Variants in PTPN2 observed in about 807,000 individuals in gnomAD.
The protein encoded by PTPN2 is protein tyrosine phosphatase non-receptor type 2.
Under a neutral mutation model 57.3 loss-of-function variants are expected in PTPN2, and 19 were observed. The ratio of observed to expected loss-of-function variants is 0.33; its 90% CI spans 0.23 to 0.49. The LOEUF is 0.49. PTPN2 is among the 20% of genes least tolerant of loss of function. The pLI is 0.99. For synonymous variants in PTPN2, 153 were observed against 164.9 expected (o/e 0.93, Z 0.55); for missense variants, 358 against 501.1 (o/e 0.71, Z 2.73).
intron 2 of PTPN2, among the ~76,000 whole-genome samples, chr18:12,853,391 T>C (rs1328095084): frequency 6.6e-6 from 1 of 152,214 alleles, no homozygotes; most frequent in African/African-American, 2.4e-5. Flanking sequence ...TCCTCCTACC[T>C]CAGCTTTCCA....
At chr18:12,824,012 T>C (rs1456709504) in intron 5 of PTPN2, among the ~76,000 whole-genome samples, 2 of 152,166 alleles carry the variant, frequency 1.3e-5, no homozygotes, top group East Asian at 1.9e-4. Flanking sequence ...CATAAGCAAA[T>C]GAGTAATTAC....
intron 1 of PTPN2, among the ~76,000 whole-genome samples, chr18:12,870,435 A>ACG (rs2044203860): frequency 5.6e-5 from 2 of 35,948 alleles, no homozygotes; most frequent in Non-Finnish European, 8.3e-5. Flanking sequence ...ACGTATATAT[A>ACG]TATGTGTATA....
chr18:12,864,051 A>C (rs756045146), intron 1 of PTPN2: 7 of 152,244 alleles, frequency 4.6e-5, no homozygotes, highest in Non-Finnish European at 1.0e-4. Flanking sequence ...AGTGAATATC[A>C]TGCAGCTCTT....
intron 1 of PTPN2, among the ~76,000 whole-genome samples, chr18:12,879,928 T>G (rs1172130965): frequency 6.6e-6 from 1 of 152,242 alleles, no homozygotes; most frequent in Admixed American, 6.5e-5. Flanking sequence ...GAAAGCCACC[T>G]TAAACACTTT....
chr18:12,844,948 T>C (rs2043165822), intron 2 of PTPN2, among the ~76,000 whole-genome samples: 1 of 152,186 alleles, frequency 6.6e-6, no homozygotes, highest in Non-Finnish European at 1.5e-5. Flanking sequence ...CTTTGCACCT[T>C]TGTCAAAAAA....
intron 1 of PTPN2, among the ~76,000 whole-genome samples, chr18:12,877,669 A>C (rs2044533541): frequency 6.6e-6 from 1 of 152,232 alleles, no homozygotes; most frequent in Admixed American, 6.5e-5. Context: ...CTGACTCACA[A>C]ATGGTAAAAA....
At chr18:12,879,773 T>C (rs2044607988) in intron 1 of PTPN2, among the ~76,000 whole-genome samples, 1 of 152,248 alleles carries the variant, frequency 6.6e-6, no homozygotes. Context: ...CTCCTACCAC[T>C]AAGCAAGTCC....
At chr18:12,845,703 A>C (rs1157226710) in intron 2 of PTPN2, among the ~76,000 whole-genome samples, 4 of 152,192 alleles carry the variant, frequency 2.6e-5, no homozygotes. Flanking sequence ...GCTAGGATTC[A>C]GTACCTCAAG....
chr18:12,834,439 T>C (rs1167252242), intron 3 of PTPN2, among the ~76,000 whole-genome samples: 1 of 152,208 alleles, frequency 6.6e-6, no homozygotes, highest in Non-Finnish European at 1.5e-5. Context: ...GTTTAAATTA[T>C]ACAAAGCATG....
intron 2 of PTPN2, among the ~76,000 whole-genome samples, chr18:12,838,405 C>CA (rs1298566265): frequency 6.6e-6 from 1 of 152,242 alleles, no homozygotes; most frequent in Non-Finnish European, 1.5e-5. Flanking sequence ...GAAAGACCTT[C>CA]AGCCAGAGTA....
intron 5 of PTPN2, chr18:12,819,266 C>A (rs1217040598): frequency 2.1e-6 from 3 of 1,450,966 alleles, no homozygotes; most frequent in Non-Finnish European, 2.8e-6. Context: ...CAGTGTGATC[C>A]ACAAGTTCTC....
chr18:12,850,211 C>A (rs183566022), intron 2 of PTPN2, among the ~76,000 whole-genome samples: 3,759 of 152,142 alleles, frequency 0.025, 161 homozygotes, highest in African/African-American at 0.085. Context: ...AAATACTGGG[C>A]TAGGCACAGT....
intron 2 of PTPN2, among the ~76,000 whole-genome samples, chr18:12,852,149 C>G (rs1033246576): frequency 6.7e-6 from 1 of 149,378 alleles, no homozygotes; most frequent in Non-Finnish European, 1.5e-5. Flanking sequence ...GTTAACAATA[C>G]TGTTAATATA....
chr18:12,880,074 A>G (rs919439300), intron 1 of PTPN2, among the ~76,000 whole-genome samples: 4 of 152,240 alleles, frequency 2.6e-5, no homozygotes, highest in African/African-American at 7.2e-5. Context: ...AGAAGTACGC[A>G]ACAGGGGCTC....
At chr18:12,789,118 C>T (rs2040917326), downstream of PTPN2, among the ~76,000 whole-genome samples, 1 of 152,126 alleles carries the variant, frequency 6.6e-6, no homozygotes, top group African/African-American at 2.4e-5. Context: ...TGCTTTCCAC[C>T]AAGGCATGTC....
chr18:12,859,711 G>C (rs898287214), intron 1 of PTPN2, among the ~76,000 whole-genome samples: 1 of 152,092 alleles, frequency 6.6e-6, no homozygotes, highest in African/African-American at 2.4e-5. Context: ...CCTAAATTTT[G>C]GAGTTTCTAC....
At chr18:12,813,368 T>C (rs960966480) in intron 7 of PTPN2, among the ~76,000 whole-genome samples, 5 of 152,234 alleles carry the variant, frequency 3.3e-5, no homozygotes, top group Non-Finnish European at 7.3e-5. Context: ...TTCCCAAACA[T>C]TGCGTATTTT....
At chr18:12,848,804 G>A (rs1446311593) in intron 2 of PTPN2, among the ~76,000 whole-genome samples, 1 of 152,234 alleles carries the variant, frequency 6.6e-6, no homozygotes, top group Non-Finnish European at 1.5e-5. Flanking sequence ...CTGTTTTGGG[G>A]TGGTTTGTTA....
At chr18:12,883,963 AGCGAGAG>A (rs1010103359) in intron 1 of PTPN2, 103 bp downstream of exon 1, 6 of 950,572 alleles carry the variant, frequency 6.3e-6, no homozygotes, top group Non-Finnish European at 7.5e-6. Context: ...TTCCGCCCCG[AGCGAGAG>A]GCTAGAGGCG....
Sources: gnomAD v4.1 joint callset for allele counts (sites outside exome capture counted in the v4.1 genomes callset) on GRCh38, gnomAD v4.1.1 for gene constraint, MANE v1.5 for transcripts, NCBI Gene and HGNC (gene_info 2026-07-23, HGNC 2026-07-21) for gene names.